Variants in HDAC9 observed in about 807,000 individuals in gnomAD.
HDAC9 encodes histone deacetylase 9, also known as MEF-2 interacting transcription repressor (MITR) protein.
A neutral mutation model predicts 139.4 loss-of-function variants in HDAC9; 41 were observed. The observed-to-expected ratio is 0.29, with a 90% CI of 0.23 to 0.38. The LOEUF is 0.38. HDAC9 is among the 10% of genes least tolerant of loss of function. The pLI is 1.00. For synonymous variants in HDAC9, 517 were observed against 476.2 expected, an observed-to-expected ratio of 1.09 and a Z score of -1.12; for missense variants, 1,147 against 1,297.0, an observed-to-expected ratio of 0.88 and a Z score of 1.78.
intron 1 of HDAC9, among the ~76,000 whole-genome samples, chr7:18,455,295 G>T (rs927351812): frequency 2.0e-5 from 3 of 151,972 alleles, no homozygotes; most frequent in African/African-American, 7.2e-5. Flanking sequence ...AAAAAGTTAA[G>T]TCAAACCCAA....
intron 2 of HDAC9, among the ~76,000 whole-genome samples, chr7:18,583,563 G>T (rs571553392): frequency 3.4e-5 from 5 of 149,026 alleles, no homozygotes; most frequent in African/African-American, 1.2e-4. Flanking sequence ...AGCTCCCACT[G>T]CCCTGACCCC....
chr7:18,189,459 TG>T (rs1386490022), intron 2 of HDAC9, among the ~76,000 whole-genome samples: 3 of 144,204 alleles, frequency 2.1e-5, no homozygotes, highest in Admixed American at 6.8e-5. Context: ...ATCCTGTTTT[TG>T]TTTGTTTGTT....
At chr7:18,701,538 T>G (rs2129105177) in intron 12 of HDAC9, among the ~76,000 whole-genome samples, 1 of 152,332 alleles carries the variant, frequency 6.6e-6, no homozygotes, top group South Asian at 2.1e-4. Context: ...TTATTTTTTG[T>G]TAATGTCCGT....
intron 17 of HDAC9, among the ~76,000 whole-genome samples, chr7:18,799,136 A>G (rs1793078179): frequency 6.6e-6 from 1 of 152,104 alleles, no homozygotes; most frequent in African/African-American, 2.4e-5. Context: ...GGTTTTAAGC[A>G]TTAAAAGAAA....
chr7:18,457,813 A>C (rs1249898740), intron 1 of HDAC9, among the ~76,000 whole-genome samples: 1 of 152,160 alleles, frequency 6.6e-6, no homozygotes, highest in Non-Finnish European at 1.5e-5. Context: ...AGGTGATAAG[A>C]CTTTCTAAAT....
intron 2 of HDAC9, among the ~76,000 whole-genome samples, chr7:18,584,460 T>A (rs1828843599): frequency 6.6e-6 from 1 of 152,168 alleles, no homozygotes. Context: ...CTAAGAGTTT[T>A]TGCTAAGAAT....
chr7:18,779,359 T>A (rs933304899), intron 16 of HDAC9, among the ~76,000 whole-genome samples: 3 of 152,008 alleles, frequency 2.0e-5, no homozygotes, highest in Non-Finnish European at 4.4e-5. Context: ...CACCCATTGT[T>A]ACAGCCTCAG....
intron 2 of HDAC9, among the ~76,000 whole-genome samples, chr7:18,571,896 GA>G (rs1824412905): frequency 6.6e-6 from 1 of 151,732 alleles, no homozygotes; most frequent in Non-Finnish European, 1.5e-5. Flanking sequence ...GAGGCTTTCA[GA>G]AAATATTCAA....
rs1165533594 is a variant in HDAC9, at chr7:18,819,686, A to G, written c.2323-9475A>G. ...ACACCAATCTAAACAACAGCAAGAA[A>G]GTAGGAATGTGAGTATTCAGTCCTT... On this transcript the variant is annotated intron_variant, in intron 17 of 25. Coordinates refer to ENST00000686413, the MANE Select transcript of HDAC9 (RefSeq NM_178425.4). Among the ~76,000 whole-genome samples the G allele has an allele frequency of 2.0e-5, 3 of 152,238 alleles. No individual in the cohort carries two copies. The East Asian group carries it at 5.8e-4, about 29-fold the overall frequency.
intron 19 of HDAC9, among the ~76,000 whole-genome samples, chr7:18,832,425 T>C (rs888635942): frequency 4.6e-5 from 7 of 152,226 alleles, no homozygotes; most frequent in African/African-American, 1.7e-4. Flanking sequence ...TTTAACATAA[T>C]AGTGAAAATA....
At chr7:18,410,728 A>G (rs901095580) in intron 1 of HDAC9, among the ~76,000 whole-genome samples, 1 of 152,186 alleles carries the variant, frequency 6.6e-6, no homozygotes, top group Non-Finnish European at 1.5e-5. Context: ...TCAGGAAAGA[A>G]GAATCATCAA....
chr7:18,153,895 G>A (rs1436009109), intron 1 of HDAC9, among the ~76,000 whole-genome samples: 1 of 152,104 alleles, frequency 6.6e-6, no homozygotes, highest in Non-Finnish European at 1.5e-5. Flanking sequence ...CACCTGAGGG[G>A]CACATCTGCT....
At chr7:18,974,860 C>T (rs1286275508) in intron 24 of HDAC9, among the ~76,000 whole-genome samples, 1 of 152,210 alleles carries the variant, frequency 6.6e-6, no homozygotes, top group African/African-American at 2.4e-5. Flanking sequence ...TGTTATCTTA[C>T]TGCCCAATCC....
intron 2 of HDAC9, among the ~76,000 whole-genome samples, chr7:18,538,020 C>T (rs1044703969): frequency 6.6e-6 from 1 of 152,192 alleles, no homozygotes; most frequent in African/African-American, 2.4e-5. Flanking sequence ...AATGGACTTA[C>T]TTTGTAGTAG....
At chr7:18,149,828 A>G (rs2529747) in intron 1 of HDAC9, among the ~76,000 whole-genome samples, 77,719 of 151,970 alleles carry the variant, frequency 0.51, 20,452 homozygotes, top group African/African-American at 0.63. Context: ...TGCTGGGATT[A>G]CAGGCATAAG....
chr7:18,100,622 T>C (rs1396451188), intron 1 of HDAC9, among the ~76,000 whole-genome samples: 1 of 152,232 alleles, frequency 6.6e-6, no homozygotes, highest in African/African-American at 2.4e-5. Context: ...GTTTCACAAT[T>C]TTCCATGTCC....
intron 22 of HDAC9, among the ~76,000 whole-genome samples, chr7:18,893,675 G>A (rs1800902627): frequency 6.6e-6 from 1 of 152,120 alleles, no homozygotes; most frequent in South Asian, 2.1e-4. Flanking sequence ...ATTGTCTAGT[G>A]GTTAAAGCCT....
chr7:18,092,468 G>C (rs1782232463), intron 1 of HDAC9, among the ~76,000 whole-genome samples: 1 of 150,630 alleles, frequency 6.6e-6, no homozygotes, highest in African/African-American at 2.5e-5. Flanking sequence ...CACTCAAGTA[G>C]AAACAAGGCT....
intron 2 of HDAC9, among the ~76,000 whole-genome samples, chr7:18,547,056 T>A (rs932561447): frequency 1.3e-5 from 2 of 152,236 alleles, no homozygotes; most frequent in African/African-American, 4.8e-5. Flanking sequence ...TTTAAGTATG[T>A]AACAGCATTA....
Sources: allele counts gnomAD v4.1 joint callset (sites outside exome capture counted in the v4.1 genomes callset), GRCh38; gene constraint gnomAD v4.1.1; transcripts MANE v1.5; gene names NCBI Gene and HGNC (gene_info 2026-07-23, HGNC 2026-07-21).